Variants in PSEN1 observed in about 807,000 individuals in gnomAD.
The protein encoded by PSEN1 is presenilin 1.
A neutral mutation model predicts 53.5 loss-of-function variants in PSEN1; 15 were observed. The ratio of observed to expected loss-of-function variants is 0.28; its 90% CI spans 0.19 to 0.43. The LOEUF is 0.43. PSEN1 is among the 20% of genes least tolerant of loss of function. The pLI, the probability that PSEN1 is intolerant of heterozygous loss-of-function variation, is 1.00. For synonymous variants in PSEN1, 208 were observed against 209.8 expected (o/e 0.99, Z 0.08); for missense variants, 387 against 571.2 (o/e 0.68, Z 3.29).
At chr14:73,195,136 A>T (rs1469001883) in intron 7 of PSEN1, among the ~76,000 whole-genome samples, 1 of 152,158 alleles carries the variant, frequency 6.6e-6, no homozygotes, top group Admixed American at 6.5e-5. Context: ...CCAGGTCTGG[A>T]GACAGAATGT....
intron 10 of PSEN1, among the ~76,000 whole-genome samples, chr14:73,216,760 A>G (rs185155161): frequency 5.4e-5 from 8 of 147,064 alleles, no homozygotes; most frequent in African/African-American, 2.0e-4. Flanking sequence ...CTCCATCTCA[A>G]AAAAAAAAAA....
chr14:73,141,505 A>G (rs1896924542), intron 1 of PSEN1, among the ~76,000 whole-genome samples: 1 of 152,208 alleles, frequency 6.6e-6, no homozygotes, highest in African/African-American at 2.4e-5. Context: ...ATTAATTTCA[A>G]TTATAGGCTG....
In PSEN1 at chr14:73,219,660, G is replaced by C. The variant is rs1440619301; in HGVS notation, c.*371G>C. 9.7e-6 allele frequency: 3 copies of C among 310,506 alleles called. No homozygotes were observed. The highest frequency in any genetic ancestry group is 1.9e-5 in the Non-Finnish European group (3 of 160,036). The allele number at this position is 310,506 out of a possible 1,614,324, so 19.2% of individuals were successfully genotyped here. On this transcript the variant is annotated 3_prime_UTR_variant, in exon 12 of 12. Transcript: ENST00000324501. ...GAACTCTCAGGACTACCGTTACCAAGAGGTTAGGTGAAGTGGTTTAAACCA... is the reference window on the plus strand; with the variant it reads ...GAACTCTCAGGACTACCGTTACCAACAGGTTAGGTGAAGTGGTTTAAACCA...
At chr14:73,209,086 G>A (rs1899574444) in intron 9 of PSEN1, among the ~76,000 whole-genome samples, 3 of 152,198 alleles carry the variant, frequency 2.0e-5, no homozygotes, top group East Asian at 1.9e-4. Flanking sequence ...CTCTGAAATC[G>A]GAGCCTGCAG....
intron 5 of PSEN1, among the ~76,000 whole-genome samples, chr14:73,180,720 GT>G (rs1298830917): frequency 4.6e-5 from 7 of 152,162 alleles, no homozygotes; most frequent in African/African-American, 1.7e-4. Flanking sequence ...CAGCAGGGCT[GT>G]TTTCTTTCAT....
chr14:73,184,408 C>T (rs1482003887), intron 5 of PSEN1, among the ~76,000 whole-genome samples: 2 of 123,300 alleles, frequency 1.6e-5, no homozygotes, highest in Non-Finnish European at 3.5e-5. Flanking sequence ...CCCCACCTCC[C>T]TCTCCGACGG....
At chr14:73,139,157 C>T (rs557236926) in intron 1 of PSEN1, 1 of 151,116 alleles carries the variant, frequency 6.6e-6, no homozygotes, top group Admixed American at 6.6e-5. Flanking sequence ...GTGCCAGGCA[C>T]TTGTAGTCCC....
At chr14:73,184,020 A>C (rs1595018005) in intron 5 of PSEN1, among the ~76,000 whole-genome samples, 1 of 115,536 alleles carries the variant, frequency 8.7e-6, no homozygotes, top group Non-Finnish European at 1.7e-5. Context: ...GGCGCCCCTC[A>C]CCTCCCGGAC....
chr14:73,206,107 A>G, intron 8 of PSEN1: 1 of 434,888 alleles, frequency 2.3e-6, no homozygotes, highest in Admixed American at 3.7e-5. Context: ...TGGCCTGAAC[A>G]GTTTTCCTTC....
chr14:73,184,289 C>T (rs1595019066), intron 5 of PSEN1, among the ~76,000 whole-genome samples: 1 of 105,674 alleles, frequency 9.5e-6, no homozygotes, highest in East Asian at 3.0e-4. Flanking sequence ...GGGCGGCTGG[C>T]CGGGCGGGGG....
intron 9 of PSEN1, 134 bp from the exon 10 acceptor site, chr14:73,211,635 C>T: frequency 2.3e-6 from 2 of 884,758 alleles, no homozygotes; most frequent in Admixed American, 4.4e-5. Context: ...CCAGCAGGCA[C>T]TGCTACAGCC....
At chr14:73,144,234 G>C (rs1372284370) in intron 1 of PSEN1, among the ~76,000 whole-genome samples, 1 of 151,734 alleles carries the variant, frequency 6.6e-6, no homozygotes, top group Non-Finnish European at 1.5e-5. Flanking sequence ...TAGAGATCGG[G>C]TTTCACCATG....
At chr14:73,209,488 A>T (rs1344876283) in intron 9 of PSEN1, among the ~76,000 whole-genome samples, 3 of 152,182 alleles carry the variant, frequency 2.0e-5, no homozygotes, top group Non-Finnish European at 4.4e-5. Context: ...ATACAACAGA[A>T]TTTCATTCAT....
intron 5 of PSEN1, among the ~76,000 whole-genome samples, chr14:73,183,443 GGCCTTCC>G (rs1181616484): frequency 6.6e-6 from 1 of 151,984 alleles, no homozygotes; most frequent in African/African-American, 2.4e-5. Flanking sequence ...AGGACCCTGC[GGCCTTCC>G]GCAGTGTTTG....
At chr14:73,194,910 T>C (rs1020045342) in intron 7 of PSEN1, among the ~76,000 whole-genome samples, 11 of 152,128 alleles carry the variant, frequency 7.2e-5, no homozygotes, top group Admixed American at 3.3e-4. Context: ...TACTAAAATG[T>C]TTGGTGGCCT....
intron 3 of PSEN1, among the ~76,000 whole-genome samples, chr14:73,165,854 G>A (rs1043623063): frequency 2.0e-5 from 3 of 151,654 alleles, no homozygotes; most frequent in African/African-American, 7.3e-5. Flanking sequence ...TCAGGAGTTC[G>A]AGACCAGCCT....
intron 8 of PSEN1, among the ~76,000 whole-genome samples, chr14:73,202,492 T>TGA (rs1899267548): frequency 1.1e-5 from 1 of 93,028 alleles, no homozygotes; most frequent in African/African-American, 4.0e-5. Context: ...TTTTTTTTTT[T>TGA]GAGACAGTCT....
intron 3 of PSEN1, among the ~76,000 whole-genome samples, chr14:73,166,702 C>T (rs1008455251): frequency 6.6e-6 from 1 of 152,208 alleles, no homozygotes; most frequent in African/African-American, 2.4e-5. Context: ...GCCTCACCTT[C>T]CATATAATCA....
At chr14:73,156,417 T>C (rs990117400) in intron 3 of PSEN1, among the ~76,000 whole-genome samples, 4 of 151,536 alleles carry the variant, frequency 2.6e-5, no homozygotes, top group Non-Finnish European at 5.9e-5. Flanking sequence ...AGAAAAGAGC[T>C]ATCAAGCCAC....
Sources: gnomAD v4.1 joint callset for allele counts (sites outside exome capture counted in the v4.1 genomes callset) on GRCh38, gnomAD v4.1.1 for gene constraint, MANE v1.5 for transcripts, NCBI Gene and HGNC (gene_info 2026-07-23, HGNC 2026-07-21) for gene names.